Variants in ZNF536 observed in about 807,000 individuals in gnomAD.
The protein encoded by ZNF536 is zinc finger protein 536.
A neutral mutation model predicts 84.5 loss-of-function variants in ZNF536; 13 were observed. The ratio of observed to expected loss-of-function variants is 0.15; its 90% CI spans 0.10 to 0.24. ZNF536 has a LOEUF of 0.24. ZNF536 is among the 10% of genes least tolerant of loss of function. The pLI is 1.00. For synonymous variants in ZNF536, 811 were observed against 742.5 expected (o/e 1.09, Z -1.50); for missense variants, 1,536 against 1,747.5 (o/e 0.88, Z 2.16).
At chr19:30,313,945 A>G (rs995720417) in intron 2 of ZNF536, among the ~76,000 whole-genome samples, 3 of 152,230 alleles carry the variant, frequency 2.0e-5, no homozygotes, top group Admixed American at 1.3e-4. Context: ...TTAGGCCATA[A>G]CACAGATGTA....
At chr19:30,325,389 G>A (rs921688803) in intron 2 of ZNF536, among the ~76,000 whole-genome samples, 1 of 152,236 alleles carries the variant, frequency 6.6e-6, no homozygotes, top group African/African-American at 2.4e-5. Context: ...CTGCAAGTCA[G>A]CAGGCCATCA....
upstream of ZNF536, among the ~76,000 whole-genome samples, chr19:30,371,558 GT>G (rs11343587): frequency 0.71 from 96,482 of 135,616 alleles, 33,683 homozygotes; most frequent in Admixed American, 0.74. Flanking sequence ...GTCTTTTCTT[GT>G]TTTTTTTTTT....
intron 1 of ZNF536, among the ~76,000 whole-genome samples, chr19:30,653,231 G>A (rs932996272): frequency 2.6e-5 from 4 of 152,144 alleles, no homozygotes; most frequent in Non-Finnish European, 5.9e-5. Context: ...GTAGTTCTGG[G>A]GAGGACCCTC....
Position 30,542,632 on chromosome 19 carries a change from T to C in ZNF536, c.2324-5311T>C, listed in dbSNP as rs1272605388. ...AGGTTTCCCCGCAGAAGGCTACCAG[T>C]GTTCGTAGCTGCTTCCTTTAGTGGG... is the stretch of plus-strand genomic sequence containing the variant. On this transcript the variant is annotated intron_variant, in intron 3 of 4. Coordinates refer to ENST00000355537, the MANE Select transcript of ZNF536 (RefSeq NM_014717.3). Among the ~76,000 whole-genome samples the C allele has an allele frequency of 2.6e-5, 4 of 152,316 alleles. No individual in the cohort carries two copies. In the South Asian group the frequency reaches 8.3e-4, roughly 32 times the overall value.
chr19:30,260,810 C>T (rs1409803011), intron 1 of ZNF536, among the ~76,000 whole-genome samples: 1 of 152,134 alleles, frequency 6.6e-6, no homozygotes, highest in Non-Finnish European at 1.5e-5. Context: ...TGGGCATGGC[C>T]TTCATACCCC....
chr19:30,344,647 C>T (rs528249887), intron 2 of ZNF536, among the ~76,000 whole-genome samples: 4 of 150,220 alleles, frequency 2.7e-5, no homozygotes, highest in Non-Finnish European at 5.9e-5. Flanking sequence ...GCGAGTCCCT[C>T]GCTTGGGCTG....
chr19:30,436,095 GC>G (rs1172738680), intron 1 of ZNF536, among the ~76,000 whole-genome samples: 3 of 152,098 alleles, frequency 2.0e-5, no homozygotes, highest in Non-Finnish European at 4.4e-5. Flanking sequence ...TATTAAGCCA[GC>G]CCAGCCAAAT....
Position 30,256,614 on chromosome 19 carries a change from G to A in ZNF536, c.-189-27458G>A, listed in dbSNP as rs139286587. On this transcript the variant is annotated intron_variant, in intron 1 of 5. Transcript: ENST00000585628. The stretch of plus-strand genomic sequence containing the variant: ...AAGACCCGAGTGAGGGCGAATGGTT[G>A]CTGGTTCTGTTTCCTTCTGTCATAT... Among the ~76,000 whole-genome samples the A allele has an allele frequency of 3.7e-3, 561 of 152,274 alleles. 5 individuals carry two copies. Among genetic ancestry groups the A allele is most frequent in the African/African-American group, 0.012 (508 of 41,538 alleles).
chr19:30,265,375 C>T (rs1438132109), intron 1 of ZNF536, among the ~76,000 whole-genome samples: 1 of 152,188 alleles, frequency 6.6e-6, no homozygotes, highest in South Asian at 2.1e-4. Context: ...CTTCCAACCT[C>T]CCGCTCCTGC....
chr19:30,664,904 C>T (rs1439222776), intron 1 of ZNF536, among the ~76,000 whole-genome samples: 1 of 152,220 alleles, frequency 6.6e-6, no homozygotes, highest in Non-Finnish European at 1.5e-5. Flanking sequence ...TTCACTTCAC[C>T]ACCCCAGCCT....
At chr19:30,337,562 T>G (rs1277907768) in intron 2 of ZNF536, among the ~76,000 whole-genome samples, 2 of 152,176 alleles carry the variant, frequency 1.3e-5, no homozygotes, top group Admixed American at 1.3e-4. Flanking sequence ...GTTTCCTCTA[T>G]GGAAAGCCCA....
rs559677254 is a variant in ZNF536, at chr19:30,548,178, C to A, written c.2559C>A (p.Gly853=). 11 of 1,614,156 alleles carry A rather than the reference C, an allele frequency of 6.8e-6. No individual in the cohort carries two copies. The African/African-American group carries it at 1.2e-4, about 18-fold the overall frequency. Residue 853 remains glycine, a synonymous_variant, in exon 4 of 5, where the codon GGC becomes GGA. Transcript: ENST00000355537. ...TCCCTGGAATCGACTTCAGAGGAGG[C>A]CCTGCATCTCAGCAGTGGACATCAG... ...KGLPGIDFRG[G]PASQQWTSGV...
At chr19:30,288,178 C>T (rs1364791348) in intron 2 of ZNF536, among the ~76,000 whole-genome samples, 1 of 152,188 alleles carries the variant, frequency 6.6e-6, no homozygotes, top group Non-Finnish European at 1.5e-5. Context: ...CGAAGATGAT[C>T]TCTTTCAAAG....
chr19:30,662,616 C>G (rs2050162038), intron 1 of ZNF536, among the ~76,000 whole-genome samples: 1 of 151,634 alleles, frequency 6.6e-6, no homozygotes, highest in Admixed American at 6.6e-5. Flanking sequence ...ACGATAATAC[C>G]TGGTGGTGAC....
intron 1 of ZNF536, among the ~76,000 whole-genome samples, chr19:30,614,000 C>T (rs2048193758): frequency 6.6e-6 from 1 of 152,142 alleles, no homozygotes; most frequent in Non-Finnish European, 1.5e-5. Flanking sequence ...GTAGCTGGGA[C>T]TACAGGTGCG....
At chr19:30,582,168 A>G (rs973181590) in intron 1 of ZNF536, among the ~76,000 whole-genome samples, 2 of 152,014 alleles carry the variant, frequency 1.3e-5, no homozygotes, top group African/African-American at 4.8e-5. Context: ...AAAACAATGT[A>G]ATCTGGAAGT....
At chr19:30,519,792 A>C (rs1217001929) in intron 2 of ZNF536, among the ~76,000 whole-genome samples, 1 of 152,206 alleles carries the variant, frequency 6.6e-6, no homozygotes, top group East Asian at 1.9e-4. Context: ...TATTTATTGA[A>C]CACACTGTGC....
chr19:30,303,401 C>T (rs1600143820), intron 2 of ZNF536, among the ~76,000 whole-genome samples: 1 of 152,320 alleles, frequency 6.6e-6, no homozygotes, highest in East Asian at 1.9e-4. Context: ...TTGGCGCTGC[C>T]TCCAGGTTTC....
At chr19:30,537,588 G>C (rs1052002874) in intron 3 of ZNF536, among the ~76,000 whole-genome samples, 1 of 102,922 alleles carries the variant, frequency 9.7e-6, no homozygotes, top group African/African-American at 5.0e-5. Flanking sequence ...CAGCTTCCCG[G>C]GGGGTAAGAG....
Sources: allele counts gnomAD v4.1 joint callset (sites outside exome capture counted in the v4.1 genomes callset), GRCh38; gene constraint gnomAD v4.1.1; transcripts MANE v1.5; gene names NCBI Gene and HGNC (gene_info 2026-07-23, HGNC 2026-07-21).